Variants in LINGO2 observed in about 807,000 individuals in gnomAD.
The protein encoded by LINGO2 is leucine rich repeat and Ig domain containing 2.
LINGO2 carries 14 observed loss-of-function variants against 30.6 expected under a neutral mutation model. The ratio of observed to expected loss-of-function variants is 0.46; its 90% CI spans 0.30 to 0.72. The LOEUF (loss-of-function observed/expected upper bound fraction) is 0.72. Among genes scored for constraint, LINGO2 ranks in the 30% least tolerant of loss-of-function variants. The pLI is 0.07. For synonymous variants in LINGO2, 317 were observed against 288.5 expected, an observed-to-expected ratio of 1.10 and a Z score of -1.00; for missense variants, 729 against 751.7, an observed-to-expected ratio of 0.97 and a Z score of 0.35.
At chr9:28,412,473 C>T (rs1050632037) in intron 2 of LINGO2, among the ~76,000 whole-genome samples, 9 of 152,054 alleles carry the variant, frequency 5.9e-5, no homozygotes, top group East Asian at 3.9e-4. Flanking sequence ...AAAAGGGAGA[C>T]GTAAAATTAT....
chr9:28,309,193 C>A lies in LINGO2; in HGVS notation c.-245-13827G>T, dbSNP rs1322728555. Among the ~76,000 whole-genome samples, 3 of 152,086 alleles carry A rather than the reference C, an allele frequency of 2.0e-5. No homozygotes were observed. The East Asian group carries it at 5.8e-4, about 30-fold the overall frequency. ...AGTTGGAAGCAACCCAAATGTCCAA[C>A]GAAGATAGACTGGATTAAGAAAATG... On this transcript the variant is annotated intron_variant, in intron 3 of 5. Coordinates refer to ENST00000379992, the Ensembl canonical transcript of LINGO2.
intron 1 of LINGO2, among the ~76,000 whole-genome samples, chr9:28,650,741 G>A (rs113345586): frequency 5.3e-5 from 8 of 152,026 alleles, no homozygotes; most frequent in African/African-American, 1.7e-4. Flanking sequence ...ACAAACTAGT[G>A]CATATATATG....
chr9:29,192,581 GA>G, the LINGO2 span, among the ~76,000 whole-genome samples: 1 of 152,014 alleles, frequency 6.6e-6, no homozygotes, highest in Non-Finnish European at 1.5e-5. Context: ...AAATTGTTAG[GA>G]AAAAACAACT....
intron 4 of LINGO2, among the ~76,000 whole-genome samples, chr9:28,225,688 T>C (rs1040437831): frequency 6.6e-6 from 1 of 151,994 alleles, no homozygotes; most frequent in African/African-American, 2.4e-5. Flanking sequence ...ATTCCTTAAA[T>C]AGAAATATGA....
intron 5 of LINGO2, among the ~76,000 whole-genome samples, chr9:27,993,358 C>T (rs1047003972): frequency 1.4e-4 from 22 of 152,134 alleles, no homozygotes; most frequent in African/African-American, 3.9e-4. Flanking sequence ...AATTCTCCTA[C>T]GTGTTGAAAT....
At chr9:28,809,270 G>A in the LINGO2 span, among the ~76,000 whole-genome samples, 4 of 152,138 alleles carry the variant, frequency 2.6e-5, no homozygotes, top group African/African-American at 9.7e-5. Context: ...GGAACAAATG[G>A]TCGATTATGA....
intron 4 of LINGO2, among the ~76,000 whole-genome samples, chr9:28,168,811 C>A (rs6476040): frequency 0.99 from 151,110 of 152,364 alleles, 74,951 homozygotes; most frequent in Middle Eastern, 1. Flanking sequence ...CTGATAAATG[C>A]AGCTGTCACC....
intron 4 of LINGO2, among the ~76,000 whole-genome samples, chr9:28,169,009 A>C (rs1297181181): frequency 6.6e-6 from 1 of 152,182 alleles, no homozygotes; most frequent in Non-Finnish European, 1.5e-5. Context: ...CTTATTTACA[A>C]ATGAGCCAAA....
the LINGO2 span, among the ~76,000 whole-genome samples, chr9:28,899,140 G>A: frequency 6.6e-6 from 1 of 152,160 alleles, no homozygotes; most frequent in Non-Finnish European, 1.5e-5. Context: ...TTTAAAAGAT[G>A]CATTGAGGAA....
At chr9:28,011,258 T>A (rs10122124) in intron 5 of LINGO2, among the ~76,000 whole-genome samples, 39,036 of 152,058 alleles carry the variant, frequency 0.26, 5,337 homozygotes, top group African/African-American at 0.34. Flanking sequence ...CACCAGAATT[T>A]TTCGTAGGGA....
chr9:28,415,813 T>C (rs936934284), intron 2 of LINGO2, among the ~76,000 whole-genome samples: 21 of 152,204 alleles, frequency 1.4e-4, no homozygotes, highest in Admixed American at 1.2e-3. Context: ...GCAATTATTA[T>C]ATAGTGGCTG....
chr9:28,120,163 T>G (rs554027483), intron 4 of LINGO2, among the ~76,000 whole-genome samples: 2 of 152,136 alleles, frequency 1.3e-5, no homozygotes, highest in African/African-American at 4.8e-5. Context: ...GGAAACTACA[T>G]AGACCATAAA....
At chr9:28,856,130 C>T in the LINGO2 span, among the ~76,000 whole-genome samples, 3 of 151,760 alleles carry the variant, frequency 2.0e-5, no homozygotes, top group Non-Finnish European at 2.9e-5. Flanking sequence ...GAATAGGAAG[C>T]GTAATATGAA....
At chr9:28,481,746 T>C (rs1825974475) in intron 1 of LINGO2, among the ~76,000 whole-genome samples, 2 of 152,074 alleles carry the variant, frequency 1.3e-5, no homozygotes, top group South Asian at 4.1e-4. Flanking sequence ...TAGCATTAGG[T>C]ATATCTCCCA....
intron 4 of LINGO2, among the ~76,000 whole-genome samples, chr9:28,105,974 G>T (rs1053281573): frequency 6.6e-6 from 1 of 152,034 alleles, no homozygotes; most frequent in African/African-American, 2.4e-5. Context: ...TAGGAAGTGA[G>T]GGCTGGCTAG....
At chr9:28,343,453 A>G (rs1819440437) in intron 3 of LINGO2, among the ~76,000 whole-genome samples, 1 of 152,150 alleles carries the variant, frequency 6.6e-6, no homozygotes, top group African/African-American at 2.4e-5. Context: ...AAAGAAGTCT[A>G]AGGTAAATAT....
chr9:28,467,041 G>C lies in LINGO2; in HGVS notation c.-279+8899C>G, dbSNP rs150575978. On this transcript the variant is annotated intron_variant, in intron 2 of 5. Coordinates refer to ENST00000379992, the Ensembl canonical transcript of LINGO2. ...AGCTGACTCTCTTTTTTTTTGGGGG[G>C]GGGGGACGGAGTCTCGCTCTGTTGC... Among the ~76,000 whole-genome samples the C allele has an allele frequency of 6.6e-5, 10 of 150,544 alleles. No individual in the cohort carries two copies. The East Asian group carries it at 7.9e-4, about 12-fold the overall frequency.
At chr9:28,558,209 C>T (rs969509991) in intron 1 of LINGO2, among the ~76,000 whole-genome samples, 14 of 151,134 alleles carry the variant, frequency 9.3e-5, no homozygotes, top group African/African-American at 1.5e-4. Context: ...CCATTTTTCA[C>T]TATGATCTAG....
At chr9:28,535,353 A>G (rs1379189995) in intron 1 of LINGO2, among the ~76,000 whole-genome samples, 1 of 152,144 alleles carries the variant, frequency 6.6e-6, no homozygotes, top group Non-Finnish European at 1.5e-5. Flanking sequence ...GAATTATATT[A>G]GTATTCTGAT....
Sources: allele counts gnomAD v4.1 joint callset (sites outside exome capture counted in the v4.1 genomes callset), GRCh38; gene constraint gnomAD v4.1.1; transcripts MANE v1.5; gene names NCBI Gene and HGNC (gene_info 2026-07-23, HGNC 2026-07-21).